The following LRRC42 variants were observed in gnomAD, a reference collection of about 807,000 sequenced individuals.
The protein encoded by LRRC42 is leucine-rich repeat-containing protein 42.
In LRRC42, 43 loss-of-function variants were observed where a neutral mutation model predicts 44.3. That is an observed-to-expected ratio of 0.97 (90% confidence interval 0.76 to 1.25). LRRC42 has a LOEUF of 1.25. LRRC42 is among the 50% of genes most tolerant of loss of function. LRRC42 has a pLI of 0.00. For missense variants in LRRC42, 540 were observed against 509.1 expected, an observed-to-expected ratio of 1.06 and a Z score of -0.58; for synonymous variants, 207 against 195.2, an observed-to-expected ratio of 1.06 and a Z score of -0.50.
Position 53,966,337 on chromosome 1 carries a change from G to A in LRRC42, c.969G>A (p.Lys323=). The A allele has an allele frequency of 6.2e-7, 1 of 1,614,110 alleles. No homozygotes were observed. The highest frequency in any genetic ancestry group is 1.7e-5 in the Admixed American group (1 of 60,028). ...QWERVTAEAV[K]PRETSEPRAA... Reference sequence around the variant, plus strand: ...AGCGTGTGACTGCGGAAGCTGTGAAGCCACGGGAGACCTCGGAGCCTAGAG... The same window carrying A: ...AGCGTGTGACTGCGGAAGCTGTGAAACCACGGGAGACCTCGGAGCCTAGAG... Residue 323 remains lysine, a synonymous_variant, in exon 8 of 9, where the codon AAG becomes AAA. Transcript: ENST00000371370.
intron 3 of LRRC42, among the ~76,000 whole-genome samples, chr1:53,954,487 A>G (rs1654777311): frequency 6.6e-6 from 1 of 152,266 alleles, no homozygotes; most frequent in Non-Finnish European, 1.5e-5. Flanking sequence ...AACAATGGCA[A>G]AATAGACTTA....
chr1:53,967,822 G>C lies in LRRC42; in HGVS notation c.1170G>C (p.Lys390Asn), dbSNP rs765089486. The change falls in exon 9 of 9, where the codon AAG becomes AAC. Residue 390 changes from lysine to asparagine, a missense_variant. Physicochemically the swap from Lys to Asn is moderately conservative, Grantham distance 94. Coordinates refer to ENST00000371370, the MANE Select transcript of LRRC42 (RefSeq NM_001256409.2). ...HEAISSQESK[K>N]SKKRPFEESE... ...CTATCTCAAGCCAGGAGTCAAAGAA[G>C]AGCAAGAAGAGACCTTTTGAGGAGT... 6.2e-7 allele frequency: 1 copy of C among 1,614,186 alleles called. No individual in the cohort carries two copies. The highest frequency in any genetic ancestry group is 1.7e-5 in the Admixed American group (1 of 60,022).
In LRRC42 at chr1:53,960,418, C is replaced by T; in HGVS notation, c.668C>T (p.Ala223Val). Residue 223 changes from alanine (A) to valine (V), a missense_variant, in exon 5 of 9, where the codon GCA (alanine) becomes GTA (valine). Coordinates refer to ENST00000371370, the MANE Select transcript of LRRC42 (RefSeq NM_001256409.2). ...LSDAGVRKMT[A>V]PVRVMKRGLE... ...GATGCTGGGGTGCGGAAGATGACAG[C>T]ACCAGTTCGAGTGATGAAAAGAGGC... 6.2e-7 allele frequency: 1 copy of T among 1,614,026 alleles called. No individual in the cohort carries two copies. The highest frequency in any genetic ancestry group is 8.5e-7 in the Non-Finnish European group (1 of 1,179,990).
intron 7 of LRRC42, among the ~76,000 whole-genome samples, chr1:53,963,166 G>A (rs1655040917): frequency 6.6e-6 from 1 of 152,156 alleles, no homozygotes; most frequent in African/African-American, 2.4e-5. Flanking sequence ...ATGCAGGATG[G>A]TAGAACTATC....
chr1:53,952,564 C>T, intron 3 of LRRC42, 92 bp downstream of exon 3: 2 of 995,444 alleles, frequency 2.0e-6, no homozygotes, highest in South Asian at 1.8e-5. Flanking sequence ...CTTCCCTCAT[C>T]AAATAGCACT....
At chr1:53,967,106 A>G (rs529197622) in intron 8 of LRRC42, among the ~76,000 whole-genome samples, 1 of 152,356 alleles carries the variant, frequency 6.6e-6, no homozygotes, top group Non-Finnish European at 1.5e-5. Context: ...TATGTTATGT[A>G]TATTTTATCA....
Position 53,958,329 on chromosome 1 carries a change from A to G in LRRC42, c.605+49A>G, listed in dbSNP as rs1306094624. Reference sequence around the variant, plus strand: ...GATGAATTGTTTCAGTATTGTTTTAAAGGCTGATCCAACAGGATTATCTTC... The same window carrying G: ...GATGAATTGTTTCAGTATTGTTTTAGAGGCTGATCCAACAGGATTATCTTC... On this transcript the variant is annotated intron_variant, in intron 4 of 8. Transcript: ENST00000371370. 7.5e-6 allele frequency: 12 copies of G among 1,602,154 alleles called. No individual in the cohort carries two copies. The South Asian group carries it at 1.1e-4, about 15-fold the overall frequency.
intron 3 of LRRC42, among the ~76,000 whole-genome samples, chr1:53,956,280 C>T (rs570736406): frequency 1.6e-4 from 25 of 152,358 alleles, no homozygotes; most frequent in Admixed American, 1.6e-3. Context: ...AAACTCTCTT[C>T]TCCCTTGTGT....
chr1:53,962,618 T>C (rs1297737303), intron 7 of LRRC42, among the ~76,000 whole-genome samples: 2 of 152,214 alleles, frequency 1.3e-5, no homozygotes, highest in South Asian at 2.1e-4. Flanking sequence ...CTCTGGTCAC[T>C]AGGTTGTGCC....
chr1:53,961,502 G>A (rs778672422), intron 5 of LRRC42, among the ~76,000 whole-genome samples: 4 of 152,168 alleles, frequency 2.6e-5, no homozygotes, highest in Non-Finnish European at 4.4e-5. Flanking sequence ...CAATGTGCCA[G>A]GCACTACGCT....
chr1:53,951,942 TG>T, intron 2 of LRRC42, 43 bp from the exon 3 acceptor site: 1 of 1,422,068 alleles, frequency 7.0e-7, no homozygotes, highest in East Asian at 2.3e-5. Context: ...ATGTTACAAA[TG>T]GCATTTTAAT....
intron 7 of LRRC42, among the ~76,000 whole-genome samples, chr1:53,962,781 C>G (rs886129988): frequency 6.6e-6 from 1 of 152,158 alleles, no homozygotes; most frequent in African/African-American, 2.4e-5. Context: ...GAATAAACTC[C>G]GGTGTCATGC....
chr1:53,967,560 T>TTTG lies in LRRC42; in HGVS notation c.1013-105_1013-104insTTG, dbSNP rs1655160532. On this transcript the variant is annotated intron_variant, in intron 8 of 8. Coordinates refer to ENST00000371370, the MANE Select transcript of LRRC42 (RefSeq NM_001256409.2). ...AGGCAAAATGCAATCAATGCAGATA[T>TTTG]CACCCTGTTTGGGCCTTTGTCATAT... 3.1e-4 allele frequency: 338 copies of TTTG among 1,082,628 alleles called. 7 individuals are homozygous for TTTG. The South Asian group carries it at 4.5e-3, about 14-fold the overall frequency. 67.1% of individuals were successfully genotyped at this position (1,082,628 alleles called of 1,614,324 possible).
chr1:53,966,452 C>A, intron 8 of LRRC42, 72 bp downstream of exon 8: 1 of 1,052,316 alleles, frequency 9.5e-7, no homozygotes, highest in East Asian at 2.4e-5. Flanking sequence ...CTTGTTTTCC[C>A]TCCTTGGAAA....
chr1:53,959,883 A>T (rs1182385885), intron 4 of LRRC42, among the ~76,000 whole-genome samples: 1 of 152,040 alleles, frequency 6.6e-6, no homozygotes, highest in Non-Finnish European at 1.5e-5. Context: ...ACACTAAATT[A>T]ACTCTCACTT....
intron 7 of LRRC42, 31 bp from the exon 8 acceptor site, chr1:53,966,265 T>C: frequency 6.4e-7 from 1 of 1,558,612 alleles, no homozygotes; most frequent in Non-Finnish European, 8.8e-7. Flanking sequence ...AATATTTTGT[T>C]TGGATTCAAA....
intron 4 of LRRC42, among the ~76,000 whole-genome samples, chr1:53,958,663 C>T (rs1471083372): frequency 2.0e-5 from 3 of 151,396 alleles, no homozygotes; most frequent in East Asian, 3.9e-4. Flanking sequence ...CTCAGCTCAC[C>T]GCAACCTCCA....
chr1:53,963,594 A>G (rs1025914242), intron 7 of LRRC42, among the ~76,000 whole-genome samples: 17 of 152,336 alleles, frequency 1.1e-4, no homozygotes, highest in African/African-American at 3.8e-4. Flanking sequence ...GCCTGGCCTG[A>G]GAGTAAGTTG....
chr1:53,950,267 A>G (rs1654635519), intron 2 of LRRC42, among the ~76,000 whole-genome samples: 2 of 152,212 alleles, frequency 1.3e-5, no homozygotes, highest in African/African-American at 4.8e-5. Context: ...AGAACGAGCA[A>G]TGGCCAGTGG....
Sources: gnomAD v4.1 joint callset for allele counts (sites outside exome capture counted in the v4.1 genomes callset) on GRCh38, gnomAD v4.1.1 for gene constraint, MANE v1.5 for transcripts, NCBI Gene and HGNC (gene_info 2026-07-23, HGNC 2026-07-21) for gene names.